The following KNDC1 variants were observed in gnomAD, a reference collection of about 807,000 sequenced individuals.
The protein encoded by KNDC1 is kinase non-catalytic C-lobe domain containing 1.
In KNDC1, 106 loss-of-function variants were observed where a neutral mutation model predicts 172.8. That is an observed-to-expected ratio of 0.61 (90% confidence interval 0.52 to 0.72). KNDC1 has a LOEUF of 0.72. Ranked by LOEUF, KNDC1 falls within the 30% of genes least tolerant of loss-of-function variation. The probability of loss-of-function intolerance (pLI) is 0.00; values close to 1 mark genes in which losing one functional copy is unlikely to be tolerated. For missense variants in KNDC1, 2,325 were observed against 2,394.5 expected, an observed-to-expected ratio of 0.97 and a Z score of 0.61; for synonymous variants, 1,083 against 1,062.2, an observed-to-expected ratio of 1.02 and a Z score of -0.38.
In KNDC1 at chr10:133,201,698, G is replaced by C; in HGVS notation, c.3187G>C (p.Val1063Leu). 9 of 1,611,540 alleles carry C rather than the reference G, an allele frequency of 5.6e-6. No homozygotes were observed. The highest frequency in any genetic ancestry group is 7.6e-6 in the Non-Finnish European group (9 of 1,179,386). Residue 1063 changes from valine to leucine, a missense_variant, in exon 17 of 30, where the codon GTG becomes CTG. By Grantham distance (32) the Val-to-Leu change is conservative. Coordinates refer to ENST00000304613, the MANE Select transcript of KNDC1 (RefSeq NM_152643.8). Reference protein sequence around the residue: ...DRRPAGGASDVEAVTRLARSK... With the variant: ...DRRPAGGASDLEAVTRLARSK... ...ACGGCCAGCTGGCGGGGCCTCAGAC[G>C]TGGAGGCAGTGACCCGACTGGCCAG...
chr10:133,195,704 C>T lies in KNDC1; in HGVS notation c.1617C>T (p.Ala539=). Residue 539 remains alanine (A), a synonymous_variant, in exon 10 of 30, where the codon GCC becomes GCT. Transcript: ENST00000304613. ...TGGCCGCCGTTCTGTGGACCGCAGC[C>T]AAGTTCAGCGTCCCCCGCAACCACA... is the stretch of plus-strand genomic sequence containing the variant. The part of the protein sequence containing the change: ...YCVAAVLWTA[A]KFSVPRNHKL... 6.2e-7 allele frequency: 1 copy of T among 1,612,818 alleles called. No individual in the cohort carries two copies. Among genetic ancestry groups the T allele is most frequent in the South Asian group, 1.1e-5 (1 of 90,994 alleles).
chr10:133,197,319 A>G (rs909195737), intron 11 of KNDC1, among the ~76,000 whole-genome samples, 184 bp downstream of exon 11: 1 of 151,772 alleles, frequency 6.6e-6, no homozygotes, highest in Non-Finnish European at 1.5e-5. Flanking sequence ...AAGGCCCCAC[A>G]GTGGCCCCCA....
chr10:133,196,542 G>T (rs1425343033), intron 10 of KNDC1, among the ~76,000 whole-genome samples: 1 of 152,206 alleles, frequency 6.6e-6, no homozygotes, highest in African/African-American at 2.4e-5. Context: ...CTGCTCTGTG[G>T]TCTTGGGCGG....
rs1854303737 is a variant in KNDC1, at chr10:133,199,546, G to A, written c.2847G>A (p.Glu949=). 1 of 1,613,912 alleles carries A rather than the reference G, an allele frequency of 6.2e-7. No homozygotes were observed. Among genetic ancestry groups the A allele is most frequent in the Non-Finnish European group, 8.5e-7 (1 of 1,180,002 alleles). Residue 949 remains glutamate, a synonymous_variant, in exon 15 of 30, where the codon GAG becomes GAA. Coordinates refer to ENST00000304613, the MANE Select transcript of KNDC1 (RefSeq NM_152643.8). The part of the protein sequence containing the change: ...SEKFCDLYWD[E]KLLQNLFKVV... The stretch of plus-strand genomic sequence containing the variant: ...AGTTCTGTGACCTGTACTGGGATGA[G>A]AAGTTGCTGCAGAACCTCTTTAAGG...
chr10:133,169,854 A>G (rs922144191), intron 3 of KNDC1, among the ~76,000 whole-genome samples: 1 of 152,194 alleles, frequency 6.6e-6, no homozygotes, highest in Non-Finnish European at 1.5e-5. Context: ...TCCAGCTCAG[A>G]CCTGGACATG....
intron 1 of KNDC1, among the ~76,000 whole-genome samples, chr10:133,166,890 G>T (rs1003679069): frequency 1.3e-5 from 2 of 152,148 alleles, no homozygotes; most frequent in Admixed American, 6.5e-5. Context: ...TGTGTCCTCC[G>T]TGTGAATTGC....
In KNDC1 at chr10:133,209,553, G is replaced by A. The variant is rs1034017495; in HGVS notation, c.3795-1058G>A. Among the ~76,000 whole-genome samples, 10 of 151,666 alleles carry A rather than the reference G, an allele frequency of 6.6e-5. No individual in the cohort carries two copies. Among genetic ancestry groups the A allele is most frequent in the South Asian group, 2.1e-4 (1 of 4,798 alleles). ...TGTGTGGTGTGCGCGTCTGGTTGTC[G>A]AGTTCTGTGTGGCTTTGTCCACGTG... is the stretch of plus-strand genomic sequence containing the variant. On this transcript the variant is annotated intron_variant, in intron 20 of 29. Coordinates refer to ENST00000304613, the MANE Select transcript of KNDC1 (RefSeq NM_152643.8). This position sits in a 1 kb window ranked among gnomAD's most constrained non-coding sequence, Gnocchi z 4.9.
chr10:133,178,577 G>T (rs893790104), intron 3 of KNDC1, among the ~76,000 whole-genome samples: 2 of 152,030 alleles, frequency 1.3e-5, no homozygotes, highest in African/African-American at 4.8e-5. Context: ...TGAGGGTTCC[G>T]GTCCCCCCTC....
intron 25 of KNDC1, 91 bp downstream of exon 25, chr10:133,213,818 G>A: frequency 6.9e-7 from 1 of 1,452,560 alleles, no homozygotes; most frequent in South Asian, 1.1e-5. Flanking sequence ...ACCAGCAGGA[G>A]ATGCCTGTGT....
Position 133,163,794 on chromosome 10 carries a change from G to A in KNDC1, c.102+3225G>A, listed in dbSNP as rs144814295. 1.1e-4 allele frequency among the ~76,000 whole-genome samples: 16 copies of A among 152,294 alleles called. No homozygotes were observed. The East Asian group carries it at 2.7e-3, about 26-fold the overall frequency. ...GAGATAAGGGTCCTCGGTGGGAAGC[G>A]TGCCCTGCCCTCTGAGACCCAGGGA... On this transcript the variant is annotated intron_variant, in intron 1 of 29. Transcript: ENST00000304613. This position sits in a 1 kb window ranked among gnomAD's most constrained non-coding sequence, Gnocchi z 4.4.
chr10:133,183,381 C>T lies in KNDC1; in HGVS notation c.398C>T (p.Ala133Val), dbSNP rs1470936496. The change falls in exon 4 of 30, where the codon GCC becomes GTC. Residue 133 changes from alanine to valine, a missense_variant. Ala to Val is a moderately conservative substitution (Grantham distance 64, BLOSUM62 0). Transcript: ENST00000304613. ...TCTCTGGGGGCCACGCTGAAGGCCG[C>T]CCTCGAGTACGTGGCAGAGCCCACA... ...IYSLGATLKA[A>V]LEYVAEPTLE... 1 of 1,596,944 alleles carries T rather than the reference C, an allele frequency of 6.3e-7. No individual in the cohort carries two copies. Among genetic ancestry groups the T allele is most frequent in the Non-Finnish European group, 8.5e-7 (1 of 1,173,684 alleles).
chr10:133,198,318 C>T lies in KNDC1; in HGVS notation c.1907-19C>T, dbSNP rs538363780. 255 of 1,549,092 alleles carry T rather than the reference C, an allele frequency of 1.6e-4. 7 individuals are homozygous for T. The South Asian group carries it at 2.8e-3, about 17-fold the overall frequency. On this transcript the variant is annotated intron_variant, in intron 12 of 29. Coordinates refer to ENST00000304613, the MANE Select transcript of KNDC1 (RefSeq NM_152643.8). ...GGGCCACTCCGCCCGCCCACACCCT[C>T]AGCCCCCTGGCTCCCCAGGCTTCCT...
chr10:133,172,282 G>A (rs113876404), intron 3 of KNDC1, among the ~76,000 whole-genome samples: 8,714 of 152,252 alleles, frequency 0.057, 787 homozygotes, highest in African/African-American at 0.19. Context: ...GTTTGATCGT[G>A]AATGTGTGTG....
At chr10:133,218,979 G>C in intron 27 of KNDC1, 26 bp downstream of exon 27, 1 of 1,613,636 alleles carries the variant, frequency 6.2e-7, no homozygotes, top group Non-Finnish European at 8.5e-7. Context: ...GCCCCAAGGC[G>C]GGGGTGGGTA....
intron 24 of KNDC1, 115 bp downstream of exon 24, chr10:133,213,037 G>T (rs1845403308): frequency 1.1e-6 from 1 of 948,386 alleles, no homozygotes; most frequent in Non-Finnish European, 1.5e-6. Context: ...GCAGAGAAGG[G>T]GCCAGCTGCC....
At chr10:133,215,320 A>G (rs1478618088) in intron 26 of KNDC1, among the ~76,000 whole-genome samples, 1 of 152,182 alleles carries the variant, frequency 6.6e-6, no homozygotes, top group Admixed American at 6.5e-5. Context: ...CAGGCGGCAA[A>G]GCCACCTCCA....
At position 133,218,786 on chromosome 10, in the gene KNDC1, C is replaced by T. The variant is rs771564978; in HGVS notation, c.4678-45C>T. 4 of 1,592,684 alleles carry T rather than the reference C, an allele frequency of 2.5e-6. No homozygotes were observed. In the African/African-American group the frequency reaches 5.4e-5, roughly 21 times the overall value. ...CAGGTTCTCAAATATTCCCTTTGTT[C>T]ATCTTAAACCAGAAGACGCTGAATG... On this transcript the variant is annotated intron_variant, in intron 26 of 29. Coordinates refer to ENST00000304613, the MANE Select transcript of KNDC1 (RefSeq NM_152643.8).
chr10:133,206,716 G>A lies in KNDC1; in HGVS notation c.3419G>A (p.Arg1140Lys). The change falls in exon 18 of 30, where the codon AGA becomes AAA. Residue 1140 changes from arginine (R) to lysine (K), a missense_variant. Arg to Lys is a conservative substitution (Grantham distance 26, BLOSUM62 2). Transcript: ENST00000304613. ...GAACAGCAGCTCATGATGGAGAAAA[G>A]AAACTACCGCAAGACCCTGAAGTTC... is the stretch of plus-strand genomic sequence containing the variant. ...ELEQQLMMEKRNYRKTLKFYQ... is the reference protein window; with the variant it reads ...ELEQQLMMEKKNYRKTLKFYQ... 6.2e-7 allele frequency: 1 copy of A among 1,614,068 alleles called. No homozygotes were observed. Among genetic ancestry groups the A allele is most frequent in the Non-Finnish European group, 8.5e-7 (1 of 1,180,032 alleles).
At chr10:133,200,523 A>G in intron 16 of KNDC1, 63 bp downstream of exon 16, 9 of 1,245,492 alleles carry the variant, frequency 7.2e-6, no homozygotes, top group Non-Finnish European at 9.5e-6. Flanking sequence ...GCTCTCTGCA[A>G]TGCGGGGGGC....
Sources: allele counts gnomAD v4.1 joint callset (sites outside exome capture counted in the v4.1 genomes callset), GRCh38; gene constraint gnomAD v4.1.1; non-coding constraint Gnocchi (gnomAD v3.1); transcripts MANE v1.5; gene names NCBI Gene and HGNC (gene_info 2026-07-23, HGNC 2026-07-21).